Variants in TAOK2 observed in about 807,000 individuals in gnomAD.
The protein encoded by TAOK2 is TAO kinase 2.
In TAOK2, 42 loss-of-function variants were observed where a neutral mutation model predicts 122.5. That is an observed-to-expected ratio of 0.34 (90% CI 0.27 to 0.44). The LOEUF (loss-of-function observed/expected upper bound fraction) is 0.44. Among genes scored for constraint, TAOK2 ranks in the 20% least tolerant of loss-of-function variants. TAOK2 has a pLI of 1.00. For missense variants in TAOK2, 1,264 were observed against 1,644.9 expected, an observed-to-expected ratio of 0.77 and a Z score of 4.01; for synonymous variants, 704 against 677.6, an observed-to-expected ratio of 1.04 and a Z score of -0.61.
chr16:29,975,644 G>T (rs1181174330), intron 1 of TAOK2, among the ~76,000 whole-genome samples: 1 of 152,144 alleles, frequency 6.6e-6, no homozygotes, highest in Non-Finnish European at 1.5e-5. Flanking sequence ...CCAATCCCAG[G>T]GTTTGGCCTG....
chr16:29,989,054 T>C (rs542393727), downstream of TAOK2: 2 of 985,400 alleles, frequency 2.0e-6, no homozygotes, highest in East Asian at 2.3e-4. Flanking sequence ...TTCCCTGCCT[T>C]CCTCCCTGAG....
chr16:29,977,784 G>A lies in TAOK2; in HGVS notation c.12G>A (p.Gly4=), dbSNP rs1208506194. The A allele has an allele frequency of 6.2e-7, 1 of 1,614,006 alleles. No homozygotes were observed. Among genetic ancestry groups the A allele is most frequent in the Non-Finnish European group, 8.5e-7 (1 of 1,179,996 alleles). Residue 4 remains glycine (G), a synonymous_variant, in exon 2 of 16, where the codon GGG becomes GGA. Coordinates refer to ENST00000308893, the MANE Select transcript of TAOK2 (RefSeq NM_016151.4). MPA[G]GRAGSLKDPD... is the part of the protein sequence containing the mutation. ...CCCCAGGGGCCACCATGCCAGCTGG[G>A]GGCCGGGCCGGGAGCCTGAAGGACC...
At position 29,987,841 on chromosome 16, in the gene TAOK2, G is replaced by A. The variant is rs778381460; in HGVS notation, c.3569G>A (p.Arg1190Gln). 9 of 1,611,818 alleles carry A rather than the reference G, an allele frequency of 5.6e-6. No individual in the cohort carries two copies. The highest frequency in any genetic ancestry group is 6.8e-6 in the Non-Finnish European group (8 of 1,179,582). The change falls in exon 16 of 16, where the codon CGG (arginine) becomes CAG (glutamine). Residue 1190 changes from arginine to glutamine, a missense_variant. Physicochemically the swap from Arg to Gln is conservative, Grantham distance 43. This residue lies in a region of TAOK2 where 824 missense variants were observed against 908.7 expected (regional missense o/e 0.91). Coordinates refer to ENST00000308893, the MANE Select transcript of TAOK2 (RefSeq NM_016151.4). Reference sequence around the variant, plus strand: ...AGCTGGGGCCTGCTTCGGGGTGAACGGCCCACCCGAATCCCCCGGCTACTA... The same window carrying A: ...AGCTGGGGCCTGCTTCGGGGTGAACAGCCCACCCGAATCCCCCGGCTACTA... ...LASWGLLRGERPTRIPRLLPR... is the reference protein window; with the variant it reads ...LASWGLLRGEQPTRIPRLLPR...
intron 1 of TAOK2, among the ~76,000 whole-genome samples, chr16:29,975,285 A>G (rs1339287686): frequency 6.6e-6 from 1 of 152,138 alleles, no homozygotes; most frequent in African/African-American, 2.4e-5. Flanking sequence ...ACATCCCCGC[A>G]TTCACCCTGT....
intron 1 of TAOK2, among the ~76,000 whole-genome samples, chr16:29,976,867 G>A (rs920049844): frequency 2.6e-5 from 4 of 152,176 alleles, no homozygotes; most frequent in African/African-American, 4.8e-5. Context: ...TGCCTGTTTC[G>A]AAGGGCTGCT....
chr16:29,982,235 A>T (rs2150892408), intron 10 of TAOK2, among the ~76,000 whole-genome samples: 1 of 152,336 alleles, frequency 6.6e-6, no homozygotes, highest in Non-Finnish European at 1.5e-5. Flanking sequence ...CACTGATCTG[A>T]TGTAATGCAA....
At chr16:29,991,159 G>C, downstream of TAOK2, 1 of 1,611,244 alleles carries the variant, frequency 6.2e-7, no homozygotes, top group Admixed American at 1.7e-5. This position sits in a 1 kb window ranked among gnomAD's most constrained non-coding sequence, Gnocchi z 5.6. Context: ...ATGAGGCTGG[G>C]CTTCTCCAGC....
At position 29,974,128 on chromosome 16, in the gene TAOK2, G is replaced by A. The variant is rs1057228464; in HGVS notation, c.-556G>A. The A allele has an allele frequency of 2.6e-5, 4 of 152,260 alleles. No homozygotes were observed. The highest frequency in any genetic ancestry group is 9.6e-5 in the African/African-American group (4 of 41,456). The allele number at this position is 152,260 out of a possible 1,614,324, so 9.4% of individuals were successfully genotyped here. A position where few individuals can be genotyped will look rare whatever the true frequency, so the allele number is the denominator to read the frequency against. ...CGGACGTCCTCGGGGTGGGCCCCCA[G>A]TCGGTGGCCGAAGACCTACAGCTCA... On this transcript the variant is annotated 5_prime_UTR_variant, in exon 1 of 16. Transcript: ENST00000308893.
In TAOK2 at chr16:29,983,520, T is replaced by A; in HGVS notation, c.1278T>A (p.Tyr426Ter). ...IHRLPGSDNL[Y>*]DDPYQPEITP... ...CCCTCTAGGGCTCTGACAACCTATA[T>A]GATGACCCCTACCAGCCAGAGATAA... is the stretch of plus-strand genomic sequence containing the variant. The change falls in exon 13 of 16, where the codon TAT becomes TAA. Residue 426 changes from tyrosine to a stop codon, truncating the protein, a stop_gained. Transcript: ENST00000308893. LOFTEE classifies it high-confidence loss of function. The A allele has an allele frequency of 6.2e-7, 1 of 1,612,318 alleles. No homozygotes were observed. Among genetic ancestry groups the A allele is most frequent in the South Asian group, 1.1e-5 (1 of 90,910 alleles).
chr16:29,991,519 C>G (rs1596626477), downstream of TAOK2: 1 of 1,482,338 alleles, frequency 6.7e-7, no homozygotes, highest in Non-Finnish European at 8.9e-7. This position sits in a 1 kb window ranked among gnomAD's most constrained non-coding sequence, Gnocchi z 5.6. Flanking sequence ...AGCCGCAGCA[C>G]CAGTGTCGCT....
rs1418199770 is a variant in TAOK2, at chr16:29,987,337, A to G, written c.3065A>G (p.Gln1022Arg). 1 of 1,535,808 alleles carries G rather than the reference A, an allele frequency of 6.5e-7. No homozygotes were observed. Among genetic ancestry groups the G allele is most frequent in the Admixed American group, 2.1e-5 (1 of 46,730 alleles). Reference protein sequence around the residue: ...LPSSLFLLLAQGTALGAVLGL... With the variant: ...LPSSLFLLLARGTALGAVLGL... ...TCCAGTCTTTTCCTACTCCTGGCCC[A>G]GGGTACCGCACTGGGGGCCGTCCTG... Residue 1022 changes from glutamine (Q) to arginine (R), a missense_variant, in exon 16 of 16, where the codon CAG becomes CGG. Around this residue, in one of 4 missense-constraint regions of TAOK2, gnomAD observed 824 missense variants for 908.7 expected, o/e 0.91. Coordinates refer to ENST00000308893, the MANE Select transcript of TAOK2 (RefSeq NM_016151.4).
rs576437824 is a variant in TAOK2, at chr16:29,979,614, A to G, written c.655+106A>G. ...CTAGGGATGGGATCCCAGGCCTCCA[A>G]GTTCCTGTCCGTTGTGACTCTACCC... On this transcript the variant is annotated intron_variant, in intron 8 of 15. Transcript: ENST00000308893. This position sits in a 1 kb window ranked among gnomAD's most constrained non-coding sequence, Gnocchi z 4.1. The G allele has an allele frequency of 2.0e-5, 19 of 938,980 alleles. No individual in the cohort carries two copies. The highest frequency in any genetic ancestry group is 2.8e-5 in the East Asian group (1 of 35,510). 58.2% of individuals were successfully genotyped at this position (938,980 alleles called of 1,614,324 possible).
rs1045504313 is a variant in TAOK2, at chr16:29,985,041, T to A, written c.1423-172T>A. On this transcript the variant is annotated intron_variant, in intron 13 of 15. Coordinates refer to ENST00000308893, the MANE Select transcript of TAOK2 (RefSeq NM_016151.4). The surrounding 1 kb of genome is among the most constrained non-coding windows in gnomAD (Gnocchi z 6.9). The stretch of plus-strand genomic sequence containing the variant: ...ACACCAACTTGTGATGTAGATAATA[T>A]CACCATTATCCAGTTGAGGAAACAG... The A allele has an allele frequency of 5.0e-6, 4 of 805,350 alleles. No individual in the cohort carries two copies. Among genetic ancestry groups the A allele is most frequent in the Non-Finnish European group, 7.0e-6 (4 of 570,992 alleles). 49.9% of individuals were successfully genotyped at this position (805,350 alleles called of 1,614,324 possible). A position where few individuals can be genotyped will look rare whatever the true frequency, so the allele number is the denominator to read the frequency against.
At chr16:29,990,737 G>C, downstream of TAOK2, 1 of 1,550,828 alleles carries the variant, frequency 6.4e-7, no homozygotes, top group South Asian at 1.2e-5. Flanking sequence ...GGAGGATAGT[G>C]GGGGTGGGGG....
At chr16:29,984,409 C>T (rs2069717433) in intron 13 of TAOK2, among the ~76,000 whole-genome samples, 1 of 152,196 alleles carries the variant, frequency 6.6e-6, no homozygotes, top group African/African-American at 2.4e-5. Context: ...CATAGTTTTT[C>T]ATCTATGTTT....
intron 13 of TAOK2, among the ~76,000 whole-genome samples, chr16:29,984,241 A>G (rs760014462): frequency 4.9e-4 from 75 of 152,292 alleles, no homozygotes; most frequent in Non-Finnish European, 7.5e-4. Flanking sequence ...GTAAGATCCC[A>G]TTGGAGAAAT....
chr16:29,982,632 G>A (rs550938194), intron 10 of TAOK2, 102 bp from the exon 11 acceptor site: 55 of 1,471,458 alleles, frequency 3.7e-5, no homozygotes, highest in African/African-American at 3.4e-4. Flanking sequence ...CGTGGTGGGC[G>A]TGGGCCCCAG....
chr16:29,990,027 G>A, downstream of TAOK2: 4 of 533,434 alleles, frequency 7.5e-6, no homozygotes, highest in South Asian at 2.4e-5. Context: ...ACAAAGCCAT[G>A]TGCCTATTCC....
At chr16:29,988,457 C>A, downstream of TAOK2, 1 of 1,240,576 alleles carries the variant, frequency 8.1e-7, no homozygotes, top group Admixed American at 3.2e-5. Context: ...CCCGGTATGC[C>A]CCCAGGCTGA....
Sources: gnomAD v4.1 joint callset for allele counts (sites outside exome capture counted in the v4.1 genomes callset) on GRCh38, gnomAD v4.1.1 for gene constraint, gnomAD v4.1.1 regional missense constraint, Gnocchi (gnomAD v3.1) non-coding constraint, MANE v1.5 for transcripts, NCBI Gene and HGNC (gene_info 2026-07-23, HGNC 2026-07-21) for gene names.